Variants in CHSY3 observed in about 807,000 individuals in gnomAD.
CHSY3 encodes chondroitin sulfate synthase 3, also known as N-acetylgalactosaminyl-proteoglycan 3-beta-glucuronosyltransferase 3.
In CHSY3, 35 loss-of-function variants were observed where a neutral mutation model predicts 67.2. That is an observed-to-expected ratio of 0.52 (90% confidence interval 0.40 to 0.69). The LOEUF (loss-of-function observed/expected upper bound fraction) is 0.69. CHSY3 is among the 30% of genes least tolerant of loss of function. The pLI is 0.00. For missense variants in CHSY3, 1,069 were observed against 1,138.5 expected (o/e 0.94, Z 0.88); for synonymous variants, 474 against 434.7 (o/e 1.09, Z -1.12).
chr5:129,966,854 C>G (rs1177264430), intron 2 of CHSY3, among the ~76,000 whole-genome samples: 4 of 151,806 alleles, frequency 2.6e-5, no homozygotes, highest in African/African-American at 9.7e-5. Context: ...CAATGCCTGA[C>G]TTTATTTTCT....
At chr5:130,059,153 A>T (rs186567271) in intron 2 of CHSY3, among the ~76,000 whole-genome samples, 83 of 152,338 alleles carry the variant, frequency 5.4e-4, no homozygotes, top group African/African-American at 1.3e-3. Flanking sequence ...TGAGGCCTAA[A>T]GAGCAACAGC....
At chr5:129,954,526 A>G (rs189122407) in intron 2 of CHSY3, among the ~76,000 whole-genome samples, 42 of 152,026 alleles carry the variant, frequency 2.8e-4, no homozygotes, top group Non-Finnish European at 4.0e-4. Flanking sequence ...AAGAAAGTCA[A>G]TGGTAACTTG....
chr5:130,116,995 T>C lies in CHSY3; in HGVS notation c.1087-67234T>C, dbSNP rs375697866. ...CCTGGGCTTCTTTTGGGGGAGAGAG[T>C]TGAGACTGGAATGCAGAGCATCCTA... On this transcript the variant is annotated intron_variant, in intron 2 of 2. Coordinates refer to ENST00000305031, the MANE Select transcript of CHSY3 (RefSeq NM_175856.5). 1.1e-4 allele frequency among the ~76,000 whole-genome samples: 16 copies of C among 151,630 alleles called. 1 individual carries two copies. Among genetic ancestry groups the C allele is most frequent in the Admixed American group, 6.6e-4 (10 of 15,226 alleles).
At chr5:129,905,943 G>C in intron 1 of CHSY3, 1 of 420,092 alleles carries the variant, frequency 2.4e-6, no homozygotes, top group Non-Finnish European at 4.0e-6. Context: ...AGGAACCTTA[G>C]AGCTAAACCA....
intron 2 of CHSY3, among the ~76,000 whole-genome samples, chr5:130,055,321 G>A (rs1202160354): frequency 2.0e-5 from 3 of 150,968 alleles, no homozygotes. Context: ...GGATATGGAG[G>A]TCTACAAAAG....
chr5:130,087,804 A>G (rs1561530902), intron 2 of CHSY3, among the ~76,000 whole-genome samples: 1 of 151,584 alleles, frequency 6.6e-6, no homozygotes, highest in South Asian at 2.1e-4. Flanking sequence ...AAGGTAATTT[A>G]TAGATTCAAT....
intron 2 of CHSY3, among the ~76,000 whole-genome samples, chr5:130,071,892 A>G (rs1470135404): frequency 6.6e-6 from 1 of 151,994 alleles, no homozygotes; most frequent in Non-Finnish European, 1.5e-5. Context: ...TAGCCATTCT[A>G]GTAGGTGTGA....
intron 2 of CHSY3, among the ~76,000 whole-genome samples, chr5:130,023,979 A>G (rs1764466637): frequency 6.6e-6 from 1 of 151,746 alleles, no homozygotes; most frequent in African/African-American, 2.4e-5. Flanking sequence ...TACTTATCAC[A>G]TTTTCCTAAT....
At chr5:130,034,287 A>C (rs1268995454) in intron 2 of CHSY3, among the ~76,000 whole-genome samples, 1 of 152,116 alleles carries the variant, frequency 6.6e-6, no homozygotes, top group African/African-American at 2.4e-5. Flanking sequence ...TTTAGCTATT[A>C]ATCTTGGATG....
chr5:129,996,229 G>A (rs1763534163), intron 2 of CHSY3, among the ~76,000 whole-genome samples: 1 of 152,022 alleles, frequency 6.6e-6, no homozygotes, highest in Non-Finnish European at 1.5e-5. Flanking sequence ...ATTACTTTAG[G>A]TCACCTTGGA....
At chr5:130,089,507 A>G (rs954818462) in intron 2 of CHSY3, among the ~76,000 whole-genome samples, 1 of 152,162 alleles carries the variant, frequency 6.6e-6, no homozygotes. Context: ...TTGCTCATCA[A>G]TAGTTTCAAT....
chr5:129,920,109 C>G (rs1196069054), intron 2 of CHSY3, among the ~76,000 whole-genome samples: 1 of 152,100 alleles, frequency 6.6e-6, no homozygotes, highest in Non-Finnish European at 1.5e-5. Context: ...CCCTATTTAC[C>G]CCACCTGAAG....
intron 2 of CHSY3, among the ~76,000 whole-genome samples, chr5:129,956,975 A>C (rs1443241701): frequency 6.6e-6 from 1 of 151,896 alleles, no homozygotes; most frequent in African/African-American, 2.4e-5. Context: ...TTAATTGTAA[A>C]ATTGGTTTTT....
chr5:129,984,116 A>G (rs1004002249), intron 2 of CHSY3, among the ~76,000 whole-genome samples: 3 of 152,136 alleles, frequency 2.0e-5, no homozygotes, highest in African/African-American at 7.2e-5. Flanking sequence ...TGATGTATAA[A>G]TAATTTCATT....
In CHSY3 at chr5:130,083,105, A is replaced by G. The variant is rs575054890; in HGVS notation, c.1087-101124A>G. On this transcript the variant is annotated intron_variant, in intron 2 of 2. Coordinates refer to ENST00000305031, the MANE Select transcript of CHSY3 (RefSeq NM_175856.5). ...CGCTTCAATCATTTCCAATGTTGTA[A>G]TTTCCCATTGAATGCAGAGAAGAAA... Among the ~76,000 whole-genome samples, 3 of 152,090 alleles carry G rather than the reference A, an allele frequency of 2.0e-5. No homozygotes were observed. In the South Asian group the frequency reaches 6.2e-4, roughly 32 times the overall value.
intron 2 of CHSY3, among the ~76,000 whole-genome samples, chr5:129,955,077 C>T (rs1363997220): frequency 1.3e-5 from 2 of 152,082 alleles, no homozygotes; most frequent in Non-Finnish European, 2.9e-5. Flanking sequence ...CCATGTTGCC[C>T]AGGATGGTCT....
At chr5:129,916,821 T>C (rs537940628) in intron 2 of CHSY3, among the ~76,000 whole-genome samples, 1 of 152,254 alleles carries the variant, frequency 6.6e-6, no homozygotes, top group East Asian at 1.9e-4. Context: ...TTCCTACTGA[T>C]CTCTTGGTTT....
chr5:130,147,597 T>G (rs919032875), intron 2 of CHSY3, among the ~76,000 whole-genome samples: 4 of 152,086 alleles, frequency 2.6e-5, no homozygotes, highest in African/African-American at 9.7e-5. Flanking sequence ...GACTGGGTAA[T>G]TTACAAAGAA....
intron 2 of CHSY3, among the ~76,000 whole-genome samples, chr5:130,094,348 A>G (rs1766978554): frequency 6.6e-6 from 1 of 152,218 alleles, no homozygotes; most frequent in Middle Eastern, 3.2e-3. Flanking sequence ...ACCAAATCTG[A>G]ATACTAACGT....
Sources: allele counts gnomAD v4.1 joint callset (sites outside exome capture counted in the v4.1 genomes callset), GRCh38; gene constraint gnomAD v4.1.1; transcripts MANE v1.5; gene names NCBI Gene and HGNC (gene_info 2026-07-23, HGNC 2026-07-21).